The following ATG10 variants were observed in gnomAD, a reference collection of about 807,000 sequenced individuals.
ATG10 encodes ubiquitin-like-conjugating enzyme ATG10.
Under a neutral mutation model 32.1 loss-of-function variants are expected in ATG10, and 30 were observed. The observed-to-expected ratio is 0.94, with a 90% CI of 0.70 to 1.27. The LOEUF (loss-of-function observed/expected upper bound fraction) is 1.27, where lower values mean the gene tolerates loss of function less well. ATG10 is among the 50% of genes most tolerant of loss of function. The probability of loss-of-function intolerance (pLI) is 0.00; values close to 1 mark genes in which losing one functional copy is unlikely to be tolerated. For missense variants in ATG10, 233 were observed against 262.3 expected (o/e 0.89, Z 0.77); for synonymous variants, 87 against 91.5 (o/e 0.95, Z 0.28).
intron 3 of ATG10, among the ~76,000 whole-genome samples, chr5:82,087,497 A>G (rs1764731980): frequency 6.6e-6 from 1 of 152,124 alleles, no homozygotes; most frequent in African/African-American, 2.4e-5. Flanking sequence ...TTCCCTGTGT[A>G]GCACTCATTT....
At chr5:82,038,026 G>C (rs540691215) in intron 2 of ATG10, among the ~76,000 whole-genome samples, 1 of 152,194 alleles carries the variant, frequency 6.6e-6, no homozygotes, top group Admixed American at 6.5e-5. Flanking sequence ...CAAAGCAATA[G>C]ATTCTGGCTA....
intron 5 of ATG10, among the ~76,000 whole-genome samples, chr5:82,252,274 A>G (rs1187649061): frequency 1.3e-5 from 2 of 152,256 alleles, no homozygotes; most frequent in African/African-American, 4.8e-5. Context: ...ACACTGGCCA[A>G]CAGAGAGGGA....
chr5:82,049,516 A>G (rs894909649), intron 2 of ATG10, among the ~76,000 whole-genome samples: 29 of 152,158 alleles, frequency 1.9e-4, no homozygotes, highest in African/African-American at 6.5e-4. Context: ...CAACCTGCAC[A>G]TTGTGCACAT....
chr5:82,125,523 A>G (rs1766230556), intron 3 of ATG10, among the ~76,000 whole-genome samples: 1 of 152,216 alleles, frequency 6.6e-6, no homozygotes, highest in Non-Finnish European at 1.5e-5. Flanking sequence ...CCATTTATGA[A>G]ATAGGAAATG....
chr5:82,087,496 T>A (rs1764731910), intron 3 of ATG10, among the ~76,000 whole-genome samples: 1 of 152,184 alleles, frequency 6.6e-6, no homozygotes, highest in Non-Finnish European at 1.5e-5. Flanking sequence ...TTTCCCTGTG[T>A]AGCACTCATT....
intron 2 of ATG10, among the ~76,000 whole-genome samples, chr5:82,052,068 A>G (rs1763447791): frequency 6.6e-6 from 1 of 152,086 alleles, no homozygotes; most frequent in East Asian, 1.9e-4. Context: ...TTGACCTAGA[A>G]ACTTCAGTTG....
chr5:82,090,452 T>C (rs996367483), intron 3 of ATG10, among the ~76,000 whole-genome samples: 1 of 152,234 alleles, frequency 6.6e-6, no homozygotes, highest in Non-Finnish European at 1.5e-5. Context: ...TTATTCATAC[T>C]GCAATTTGAA....
chr5:82,010,241 A>G, intron 2 of ATG10: 2 of 707,218 alleles, frequency 2.8e-6, no homozygotes, highest in Non-Finnish European at 2.4e-6. Flanking sequence ...AAAATAACCA[A>G]TTATTTCACT....
At chr5:82,210,092 C>T (rs1176125808) in intron 5 of ATG10, among the ~76,000 whole-genome samples, 1 of 152,098 alleles carries the variant, frequency 6.6e-6, no homozygotes, top group Non-Finnish European at 1.5e-5. Flanking sequence ...GTTTGAAGTC[C>T]ATGTCTGTTA....
At chr5:81,986,372 G>A (rs961835734) in intron 1 of ATG10, among the ~76,000 whole-genome samples, 1 of 152,212 alleles carries the variant, frequency 6.6e-6, no homozygotes, top group Non-Finnish European at 1.5e-5. Context: ...TTAGATGGAG[G>A]TTGGATAAGA....
At chr5:82,243,479 AT>A (rs1008255742) in intron 5 of ATG10, among the ~76,000 whole-genome samples, 2 of 152,044 alleles carry the variant, frequency 1.3e-5, no homozygotes, top group Non-Finnish European at 2.9e-5. Flanking sequence ...AAGTCAAACA[AT>A]TTTTTTAAAT....
At chr5:82,072,615 A>T (rs981547413) in intron 3 of ATG10, among the ~76,000 whole-genome samples, 7 of 152,210 alleles carry the variant, frequency 4.6e-5, no homozygotes, top group Admixed American at 3.9e-4. Context: ...ATGAAGAAAA[A>T]ATTCAGAATA....
At chr5:82,127,578 A>G (rs767096790) in intron 3 of ATG10, among the ~76,000 whole-genome samples, 20 of 152,120 alleles carry the variant, frequency 1.3e-4, no homozygotes, top group Admixed American at 1.0e-3. Context: ...TTCATTTTCC[A>G]TGCAGTTGTG....
chr5:82,020,481 A>G (rs1243074791), intron 2 of ATG10, among the ~76,000 whole-genome samples: 1 of 152,218 alleles, frequency 6.6e-6, no homozygotes, highest in Non-Finnish European at 1.5e-5. Flanking sequence ...ATAATAAACC[A>G]TTCCAAACGT....
At chr5:81,990,194 T>C (rs1170843830) in intron 2 of ATG10, among the ~76,000 whole-genome samples, 1 of 152,236 alleles carries the variant, frequency 6.6e-6, no homozygotes, top group Non-Finnish European at 1.5e-5. Flanking sequence ...TTAATATTAA[T>C]GCTTTTGTTA....
At chr5:82,241,451 C>T (rs1378308095) in intron 5 of ATG10, among the ~76,000 whole-genome samples, 1 of 152,082 alleles carries the variant, frequency 6.6e-6, no homozygotes, top group Non-Finnish European at 1.5e-5. Context: ...AATAAAATCC[C>T]AAGTCCTTTC....
chr5:82,040,671 C>T (rs1581626946), intron 2 of ATG10, among the ~76,000 whole-genome samples: 1 of 152,118 alleles, frequency 6.6e-6, no homozygotes, highest in East Asian at 1.9e-4. Flanking sequence ...TTTAATCAGG[C>T]TTCTCTTTGT....
At chr5:82,104,195 G>A (rs1765376236) in intron 3 of ATG10, among the ~76,000 whole-genome samples, 1 of 151,928 alleles carries the variant, frequency 6.6e-6, no homozygotes. Context: ...TATTTCTCTT[G>A]TGTTATACCT....
intron 1 of ATG10, among the ~76,000 whole-genome samples, chr5:81,984,770 T>C (rs1015097101): frequency 6.6e-6 from 1 of 152,230 alleles, no homozygotes; most frequent in Non-Finnish European, 1.5e-5. Context: ...TTGAAAACTA[T>C]GTATAAAAAT....
Sources: allele counts gnomAD v4.1 joint callset (sites outside exome capture counted in the v4.1 genomes callset), GRCh38; gene constraint gnomAD v4.1.1; transcripts MANE v1.5; gene names NCBI Gene and HGNC (gene_info 2026-07-23, HGNC 2026-07-21).